The following NLRP14 variants were observed in gnomAD, a reference collection of about 807,000 sequenced individuals.
NLRP14 encodes NACHT, LRR and PYD domains-containing protein 14.
A neutral mutation model predicts 94.7 loss-of-function variants in NLRP14; 105 were observed. That is an observed-to-expected ratio of 1.11 (90% confidence interval 0.95 to 1.30). The LOEUF (loss-of-function observed/expected upper bound fraction) is 1.30. Among genes scored for constraint, NLRP14 ranks in the 50% most tolerant of loss-of-function variants. The probability of loss-of-function intolerance (pLI) is 0.00; values close to 1 mark genes in which losing one functional copy is unlikely to be tolerated. For missense variants in NLRP14, 1,362 were observed against 1,254.1 expected, an observed-to-expected ratio of 1.09 and a Z score of -1.30; for synonymous variants, 508 against 459.9, an observed-to-expected ratio of 1.10 and a Z score of -1.34.
chr11:7,046,407 C>T (rs1303722879), intron 4 of NLRP14, among the ~76,000 whole-genome samples: 1 of 152,114 alleles, frequency 6.6e-6, no homozygotes, highest in Non-Finnish European at 1.5e-5. Flanking sequence ...TGAGTTGCTT[C>T]CTCTAAAGTA....
downstream of NLRP14, among the ~76,000 whole-genome samples, chr11:7,075,151 C>CA (rs1852859444): frequency 6.6e-6 from 1 of 152,108 alleles, no homozygotes; most frequent in African/African-American, 2.4e-5. Flanking sequence ...AATGGGAACT[C>CA]AGCTTCCAAG....
chr11:7,088,590 A>G, the NLRP14 span, among the ~76,000 whole-genome samples: 14 of 152,228 alleles, frequency 9.2e-5, no homozygotes, highest in African/African-American at 3.1e-4. Context: ...CTAAAAGCTG[A>G]TTAGTTTAAA....
At chr11:7,074,090 A>C (rs1355696805), downstream of NLRP14, among the ~76,000 whole-genome samples, 2 of 152,126 alleles carry the variant, frequency 1.3e-5, no homozygotes, top group Non-Finnish European at 2.9e-5. Flanking sequence ...AAAAACACTT[A>C]CTGCTTCAAA....
intron 6 of NLRP14, among the ~76,000 whole-genome samples, chr11:7,056,328 C>T (rs1852514218): frequency 6.6e-6 from 1 of 151,598 alleles, no homozygotes; most frequent in Non-Finnish European, 1.5e-5. Flanking sequence ...TTTCTAAAGT[C>T]CAGGTATCTT....
chr11:7,036,748 G>T (rs1224487033), intron 1 of NLRP14, among the ~76,000 whole-genome samples: 4 of 152,074 alleles, frequency 2.6e-5, no homozygotes, highest in Non-Finnish European at 5.9e-5. Flanking sequence ...GATTGAGGAG[G>T]TATAATATAA....
chr11:7,053,678 T>C (rs558387153), intron 6 of NLRP14, among the ~76,000 whole-genome samples: 16 of 152,042 alleles, frequency 1.1e-4, no homozygotes, highest in African/African-American at 3.9e-4. Context: ...TTTAGGTACA[T>C]AGTAGGTGTG....
intron 1 of NLRP14, among the ~76,000 whole-genome samples, chr11:7,024,939 A>C (rs949304459): frequency 1.3e-5 from 2 of 152,184 alleles, no homozygotes; most frequent in African/African-American, 4.8e-5. Context: ...GATAGGCTTA[A>C]ATAGTAGATC....
chr11:7,059,795 A>T, intron 8 of NLRP14, 99 bp from the exon 9 acceptor site: 3 of 1,068,686 alleles, frequency 2.8e-6, no homozygotes, highest in Admixed American at 4.0e-5. Flanking sequence ...GAATGTTGGC[A>T]AATAGATAAG....
At chr11:7,089,938 A>G in the NLRP14 span, 1 of 1,612,962 alleles carries the variant, frequency 6.2e-7, no homozygotes, top group African/African-American at 1.3e-5. Flanking sequence ...TACGGGGATC[A>G]TCTGAGCAGA....
At chr11:7,065,485 G>C (rs1355478408) in intron 10 of NLRP14, among the ~76,000 whole-genome samples, 4 of 151,906 alleles carry the variant, frequency 2.6e-5, no homozygotes, top group African/African-American at 9.7e-5. Flanking sequence ...CACATCATTT[G>C]GGAATAATAC....
At position 7,070,271 on chromosome 11, in the gene NLRP14, C is replaced by G. The variant is rs373193191; in HGVS notation, c.2976-15C>G. The G allele has an allele frequency of 1.9e-6, 3 of 1,592,482 alleles. No individual in the cohort carries two copies. Among genetic ancestry groups the G allele is most frequent in the Non-Finnish European group, 2.6e-6 (3 of 1,161,626 alleles). On this transcript the variant is annotated splice_polypyrimidine_tract_variant and intron_variant, in intron 10 of 11. Coordinates refer to ENST00000299481, the MANE Select transcript of NLRP14 (RefSeq NM_176822.4). ...GAATAAATTCATTTTTATCTTTTGT[C>G]TCTCTTCTCTACAGGTTGGAATACT...
Position 7,070,440 on chromosome 11 carries a change from A to G in NLRP14, c.3130A>G (p.Lys1044Glu), listed in dbSNP as rs1852776450. The change falls in exon 11 of 12, where the codon AAA becomes GAA. Residue 1044 changes from lysine (K) to glutamate (E), a missense_variant. By Grantham distance (56) the Lys-to-Glu change is moderately conservative. Transcript: ENST00000299481. Reference sequence around the variant, plus strand: ...TAAAGTCTTGAAGTCTCCTAAGTGTAAACTACAAGTTCTAGGGTAAGTCTC... The same window carrying G: ...TAAAGTCTTGAAGTCTCCTAAGTGTGAACTACAAGTTCTAGGGTAAGTCTC... ...LYKVLKSPKC[K>E]LQVLGLCKEA... The G allele has an allele frequency of 1.9e-6, 3 of 1,611,342 alleles. No individual in the cohort carries two copies. The highest frequency in any genetic ancestry group is 1.7e-6 in the Non-Finnish European group (2 of 1,177,794).
intron 6 of NLRP14, among the ~76,000 whole-genome samples, chr11:7,056,151 G>A (rs561130986): frequency 6.6e-6 from 1 of 151,816 alleles, no homozygotes; most frequent in African/African-American, 2.4e-5. Context: ...AGAGGAGAGT[G>A]TTAATGATTT....
At chr11:7,036,354 C>A (rs548173317) in intron 1 of NLRP14, among the ~76,000 whole-genome samples, 1 of 152,052 alleles carries the variant, frequency 6.6e-6, no homozygotes, top group East Asian at 1.9e-4. Flanking sequence ...GGGAAGGAGA[C>A]TATAGTATAT....
At chr11:7,047,853 A>G (rs1437860884) in intron 5 of NLRP14, among the ~76,000 whole-genome samples, 1 of 138,566 alleles carries the variant, frequency 7.2e-6, no homozygotes, top group Non-Finnish European at 1.5e-5. Flanking sequence ...TCCGCCTCCC[A>G]GGTTCAAGCC....
chr11:7,072,543 C>A (rs570517689), downstream of NLRP14, among the ~76,000 whole-genome samples: 13 of 152,328 alleles, frequency 8.5e-5, no homozygotes, highest in Admixed American at 1.3e-4. Flanking sequence ...ACTCATCTTC[C>A]AGGCTCTTCT....
chr11:7,039,649 C>A (rs1335987480), intron 2 of NLRP14, 65 bp from the exon 3 acceptor site: 12 of 1,279,466 alleles, frequency 9.4e-6, no homozygotes, highest in Non-Finnish European at 1.4e-5. Context: ...GGCCTCTGTT[C>A]TAGCCATCAT....
chr11:7,079,203 C>T, the NLRP14 span, among the ~76,000 whole-genome samples: 2 of 152,200 alleles, frequency 1.3e-5, no homozygotes, highest in Non-Finnish European at 1.5e-5. Flanking sequence ...TCTTCTTCAT[C>T]TTGGAGCTTC....
intron 6 of NLRP14, among the ~76,000 whole-genome samples, chr11:7,057,182 T>C (rs927307161): frequency 3.3e-5 from 5 of 152,070 alleles, no homozygotes; most frequent in African/African-American, 1.2e-4. Flanking sequence ...GAAACAATTT[T>C]GTTTTATTTA....
Sources: gnomAD v4.1 joint callset for allele counts (sites outside exome capture counted in the v4.1 genomes callset) on GRCh38, gnomAD v4.1.1 for gene constraint, MANE v1.5 for transcripts, NCBI Gene and HGNC (gene_info 2026-07-23, HGNC 2026-07-21) for gene names.